Variants in TUSC3 observed in about 807,000 individuals in gnomAD.
The protein encoded by TUSC3 is tumor suppressor candidate 3, also known as dolichyl-diphosphooligosaccharide--protein glycosyltransferase subunit TUSC3.
A neutral mutation model predicts 44.8 loss-of-function variants in TUSC3; 45 were observed. That is an observed-to-expected ratio of 1.00 (90% confidence interval 0.79 to 1.29). The LOEUF is 1.29. TUSC3 is among the 50% of genes most tolerant of loss of function. The pLI is 0.00. For missense variants in TUSC3, 519 were observed against 437.9 expected (o/e 1.19, Z -1.65); for synonymous variants, 212 against 152.9 (o/e 1.39, Z -2.85).
At chr8:15,562,062 C>G (rs1276382387) in intron 1 of TUSC3, among the ~76,000 whole-genome samples, 1 of 152,104 alleles carries the variant, frequency 6.6e-6, no homozygotes, top group Admixed American at 6.6e-5. Flanking sequence ...GCCTTCATAG[C>G]TAAGATGGAA....
intron 6 of TUSC3, among the ~76,000 whole-genome samples, chr8:15,675,922 A>G (rs1385486007): frequency 1.3e-5 from 2 of 152,082 alleles, no homozygotes; most frequent in Non-Finnish European, 2.9e-5. Flanking sequence ...TTTTTTGTAG[A>G]ACAATTTATT....
chr8:15,494,391 C>G (rs34039256), intron 2 of TUSC3, among the ~76,000 whole-genome samples: 35,134 of 150,228 alleles, frequency 0.23, 4,733 homozygotes, highest in Non-Finnish European at 0.31. Flanking sequence ...GATCTCGGCT[C>G]ACTGCAGCCT....
intron 1 of TUSC3, among the ~76,000 whole-genome samples, chr8:15,542,734 A>G (rs2129133459): frequency 6.6e-6 from 1 of 152,312 alleles, no homozygotes; most frequent in East Asian, 1.9e-4. Context: ...TTTGAAATGA[A>G]AAATTAGGGA....
At chr8:15,772,628 A>G in the TUSC3 span, among the ~76,000 whole-genome samples, 1 of 152,228 alleles carries the variant, frequency 6.6e-6, no homozygotes, top group Admixed American at 6.5e-5. Context: ...TTCAAAACAT[A>G]GAAGAGAAAG....
At chr8:15,820,425 T>C in the TUSC3 span, among the ~76,000 whole-genome samples, 1 of 151,748 alleles carries the variant, frequency 6.6e-6, no homozygotes, top group Non-Finnish European at 1.5e-5. Context: ...GATCAAGCGA[T>C]TCTCCTGCCT....
chr8:15,609,062 C>G (rs990233805), intron 1 of TUSC3, among the ~76,000 whole-genome samples: 2 of 152,058 alleles, frequency 1.3e-5, no homozygotes, highest in Non-Finnish European at 2.9e-5. Flanking sequence ...CTGTTGGATT[C>G]TATTGAATTT....
At chr8:15,457,549 T>C (rs756404319) in intron 1 of TUSC3, among the ~76,000 whole-genome samples, 2 of 150,912 alleles carry the variant, frequency 1.3e-5, no homozygotes, top group Non-Finnish European at 3.0e-5. Flanking sequence ...AATTACGCAA[T>C]CATGAGAACT....
chr8:15,792,364 T>C, the TUSC3 span, among the ~76,000 whole-genome samples: 1 of 152,178 alleles, frequency 6.6e-6, no homozygotes, highest in Admixed American at 6.5e-5. Flanking sequence ...CTGATGTTAC[T>C]GAGTGGCCAC....
the TUSC3 span, among the ~76,000 whole-genome samples, chr8:15,832,928 G>A: frequency 6.6e-6 from 1 of 152,192 alleles, no homozygotes; most frequent in Non-Finnish European, 1.5e-5. Context: ...TGGATTAAAT[G>A]GATGTGATAG....
intron 6 of TUSC3, among the ~76,000 whole-genome samples, chr8:15,699,788 T>C (rs1386872558): frequency 6.6e-6 from 1 of 152,166 alleles, no homozygotes; most frequent in Non-Finnish European, 1.5e-5. Flanking sequence ...TCTAATTTAA[T>C]GTTTTATAAA....
chr8:15,551,408 ACTTT>A (rs1455125462), intron 1 of TUSC3, among the ~76,000 whole-genome samples: 2 of 151,864 alleles, frequency 1.3e-5, no homozygotes, highest in African/African-American at 4.8e-5. Context: ...TTTGATTAAA[ACTTT>A]CTTATAAAGA....
Position 15,764,283 on chromosome 8 carries a change from T to C in TUSC3, c.*127T>C. On this transcript the variant is annotated 3_prime_UTR_variant, in exon 11 of 11. Coordinates refer to ENST00000503731, the MANE Select transcript of TUSC3 (RefSeq NM_006765.4). Reference sequence around the variant, plus strand: ...AGATAAACTGTTCCTGACTTTATACTATTTTGAATTCATTCATTTCATTGT... The same window carrying C: ...AGATAAACTGTTCCTGACTTTATACCATTTTGAATTCATTCATTTCATTGT... The C allele has an allele frequency of 6.6e-7, 1 of 1,523,134 alleles. No individual in the cohort carries two copies. The highest frequency in any genetic ancestry group is 9.1e-7 in the Non-Finnish European group (1 of 1,102,772). 94.4% of individuals were successfully genotyped at this position (1,523,134 alleles called of 1,614,324 possible).
intron 2 of TUSC3, among the ~76,000 whole-genome samples, chr8:15,529,788 G>GTTTTTTT (rs35344827): frequency 1.9e-5 from 2 of 106,976 alleles, no homozygotes; most frequent in Admixed American, 1.2e-4. Flanking sequence ...CTGTGAAAAA[G>GTTTTTTT]TTTTTTTTTT....
At chr8:15,824,282 T>C in the TUSC3 span, among the ~76,000 whole-genome samples, 22 of 152,334 alleles carry the variant, frequency 1.4e-4, no homozygotes, top group East Asian at 3.5e-3. Flanking sequence ...ATACTTTCAA[T>C]GTCTATTTAT....
the TUSC3 span, among the ~76,000 whole-genome samples, chr8:15,803,593 G>A: frequency 1.3e-5 from 2 of 152,064 alleles, no homozygotes; most frequent in Non-Finnish European, 2.9e-5. Flanking sequence ...CGTGCTGAAC[G>A]TGCAGGTTTG....
chr8:15,588,429 T>A (rs1042853880), intron 1 of TUSC3, among the ~76,000 whole-genome samples: 9 of 152,222 alleles, frequency 5.9e-5, no homozygotes, highest in African/African-American at 2.2e-4. Flanking sequence ...GCTCTTGAGG[T>A]GTTCGAGTTC....
intron 1 of TUSC3, among the ~76,000 whole-genome samples, chr8:15,569,277 T>C (rs1003306324): frequency 2.0e-5 from 3 of 152,196 alleles, no homozygotes; most frequent in Non-Finnish European, 4.4e-5. Flanking sequence ...TCTGCGTCTA[T>C]ATCTCTATAT....
At chr8:15,462,049 C>G (rs374812021) in intron 1 of TUSC3, among the ~76,000 whole-genome samples, 11 of 152,096 alleles carry the variant, frequency 7.2e-5, no homozygotes, top group African/African-American at 2.4e-4. Flanking sequence ...CCCCTGGATT[C>G]TGTGAAATAT....
chr8:15,562,644 T>G (rs1168521244), intron 1 of TUSC3, among the ~76,000 whole-genome samples: 1 of 152,068 alleles, frequency 6.6e-6, no homozygotes, highest in Admixed American at 6.5e-5. Flanking sequence ...CTCAACTCAT[T>G]CAAGTTGTAG....
Sources: gnomAD v4.1 joint callset for allele counts (sites outside exome capture counted in the v4.1 genomes callset) on GRCh38, gnomAD v4.1.1 for gene constraint, MANE v1.5 for transcripts, NCBI Gene and HGNC (gene_info 2026-07-23, HGNC 2026-07-21) for gene names.